SMARCA2: variants seen among roughly 807,000 people sequenced by gnomAD.
The protein encoded by SMARCA2 is SWI/SNF related BAF chromatin remodeling complex subunit ATPase 2.
A neutral mutation model predicts 199.8 loss-of-function variants in SMARCA2; 61 were observed. The ratio of observed to expected loss-of-function variants is 0.31; its 90% CI spans 0.25 to 0.38. The LOEUF is 0.38. Among genes scored for constraint, SMARCA2 ranks in the 10% least tolerant of loss-of-function variants. The pLI is 1.00. For synonymous variants in SMARCA2, 935 were observed against 732.0 expected (o/e 1.28, Z -4.48); for missense variants, 1,344 against 2,012.2 (o/e 0.67, Z 6.35).
rs753441708 is a variant in SMARCA2 at position 2,054,601 on chromosome 9, C to T, written c.1051C>T (p.Gln351Ter). Residue 351 changes from glutamine (Q) to a stop codon, truncating the protein, a stop_gained, in exon 6 of 34, where the codon CAG (glutamine) becomes TAG (stop). Transcript: ENST00000349721. LOFTEE classifies it high-confidence loss of function. ...EILQEREYRLQARIAHRIQEL... is the reference protein window; with the variant it reads ...EILQEREYRL ...CCATTTTATTGTTTCCTTTAGACTT[C>T]AGGCCCGCATAGCTCATAGGATACA... is the stretch of plus-strand genomic sequence containing the variant. 2 of 1,613,140 alleles carry T rather than the reference C, an allele frequency of 1.2e-6. No individual in the cohort carries two copies. The highest frequency in any genetic ancestry group is 1.7e-6 in the Non-Finnish European group (2 of 1,179,464).
At position 2,060,360 on chromosome 9, in the gene SMARCA2, A is replaced by G. The variant is rs111825525; in HGVS notation, c.1522-456A>G. ...GGTTTAGAAGAAGAGTAGCAATGAA[A>G]CAGGAGTCATCACAAGTGAATTTTT... On this transcript the variant is annotated intron_variant, in intron 8 of 33. Transcript: ENST00000349721. 5.9e-3 allele frequency among the ~76,000 whole-genome samples: 906 copies of G among 152,278 alleles called. 12 individuals are homozygous for G. The highest frequency in any genetic ancestry group is 0.021 in the African/African-American group (869 of 41,556).
intron 27 of SMARCA2, among the ~76,000 whole-genome samples, chr9:2,138,924 C>T (rs2130678138): frequency 6.6e-6 from 1 of 152,242 alleles, no homozygotes; most frequent in East Asian, 1.9e-4. Context: ...TCTCCCTGTT[C>T]TTAGCCGGAG....
At position 2,156,414 on chromosome 9, in the gene SMARCA2, CTTTTTTTTTTTTTTTTT is replaced by C. The variant is rs57161267; in HGVS notation, c.3982-5256_3982-5240del. Reference sequence around the variant, plus strand: ...ATACCATAAAGTTTACCATTTTAGACTTTTTTTTTTTTTTTTTTTTTTTTTTTTTTTTGAGGCAGAGT... The same window carrying C: ...ATACCATAAAGTTTACCATTTTAGACTTTTTTTTTTTTTTTGAGGCAGAGT... On this transcript the variant is annotated intron_variant, in intron 27 of 33. Transcript: ENST00000349721. Among the ~76,000 whole-genome samples, 258 of 69,192 alleles carry C rather than the reference CTTTTTTTTTTTTTTTTT, an allele frequency of 3.7e-3. 1 individual carries two copies. The highest frequency in any genetic ancestry group is 0.036 in the Admixed American group (194 of 5,340). The allele number at this position is 69,192 out of a possible 152,430, so 45.4% of individuals were successfully genotyped here.
chr9:2,072,814 T>C (rs1821149324), intron 10 of SMARCA2, among the ~76,000 whole-genome samples: 2 of 152,196 alleles, frequency 1.3e-5, no homozygotes, highest in Admixed American at 1.3e-4. Context: ...CTACAACTGG[T>C]CTAGTGAGGA....
intron 27 of SMARCA2, among the ~76,000 whole-genome samples, chr9:2,141,895 G>A (rs992978332): frequency 3.3e-5 from 5 of 152,108 alleles, no homozygotes; most frequent in African/African-American, 7.2e-5. Flanking sequence ...GTGCAGGAGC[G>A]CGTCAGATCA....
At chr9:2,113,818 G>T (rs1330357191) in intron 24 of SMARCA2, among the ~76,000 whole-genome samples, 2 of 152,180 alleles carry the variant, frequency 1.3e-5, no homozygotes, top group African/African-American at 4.8e-5. Context: ...GGTTTTGTCA[G>T]CATCTTCTTG....
chr9:2,168,845 T>G (rs1826077148), intron 28 of SMARCA2, among the ~76,000 whole-genome samples: 2 of 152,254 alleles, frequency 1.3e-5, no homozygotes, highest in Non-Finnish European at 2.9e-5. Flanking sequence ...CTGGGATCTT[T>G]GGTTGTTCAG....
chr9:2,129,995 AG>A (rs1397103631), intron 27 of SMARCA2, among the ~76,000 whole-genome samples: 3 of 152,126 alleles, frequency 2.0e-5, no homozygotes, highest in Admixed American at 2.0e-4. Context: ...CTAGGACTAC[AG>A]GTACATGCCA....
intron 3 of SMARCA2, among the ~76,000 whole-genome samples, chr9:2,036,367 C>T (rs924786986): frequency 2.6e-5 from 4 of 152,010 alleles, no homozygotes; most frequent in Non-Finnish European, 4.4e-5. Flanking sequence ...TGACTACTTT[C>T]GAATGAGCAA....
chr9:2,192,415 GC>G, intron 33 of SMARCA2: 1 of 355,896 alleles, frequency 2.8e-6, no homozygotes, highest in Admixed American at 4.8e-5. Flanking sequence ...AAAACCTGGG[GC>G]TGAAAAAGAG....
intron 27 of SMARCA2, among the ~76,000 whole-genome samples, chr9:2,129,035 C>A (rs1054535576): frequency 1.3e-5 from 2 of 152,182 alleles, no homozygotes; most frequent in South Asian, 4.1e-4. Context: ...GCTCGTGAAC[C>A]CTTTAGGCTT....
intron 2 of SMARCA2, among the ~76,000 whole-genome samples, chr9:2,030,028 A>T (rs762940077): frequency 6.6e-6 from 1 of 152,216 alleles, no homozygotes; most frequent in East Asian, 1.9e-4. Flanking sequence ...AGAAAAATCT[A>T]TGAGGACATT....
rs149013076 is a variant in SMARCA2 at position 2,169,719 on chromosome 9, C to T, written c.4200-700C>T. Among the ~76,000 whole-genome samples the T allele has an allele frequency of 3.9e-5, 6 of 152,288 alleles. No individual in the cohort carries two copies. Among genetic ancestry groups the T allele is most frequent in the Middle Eastern group, 3.4e-3 (1 of 294 alleles). On this transcript the variant is annotated intron_variant, in intron 28 of 33. Coordinates refer to ENST00000349721, the MANE Select transcript of SMARCA2 (RefSeq NM_003070.5). This position sits in a 1 kb window ranked among gnomAD's most constrained non-coding sequence, Gnocchi z 6.5. ...TCTTCCCAGGATCTGTGAAACCTGG[C>T]AGCTGCTTCCCTGCCACCACAAAAA...
intron 24 of SMARCA2, among the ~76,000 whole-genome samples, chr9:2,114,974 T>G (rs1273441107): frequency 6.6e-6 from 1 of 152,200 alleles, no homozygotes; most frequent in Non-Finnish European, 1.5e-5. Flanking sequence ...TTTATGATAC[T>G]TTGTTGATAC....
rs1818357054 is a variant in SMARCA2 at position 2,016,447 on chromosome 9, TC to T, written c.-37+1044del. 6.6e-6 allele frequency: 1 copy of T among 152,420 alleles called. No individual in the cohort carries two copies. The highest frequency in any genetic ancestry group is 2.4e-5 in the African/African-American group (1 of 41,418). The allele number at this position is 152,420 out of a possible 1,614,324, so 9.4% of individuals were successfully genotyped here. ...CGGGTCCGTGTTCTTTTGCTTCGCG[TC>T]TTCCCCTTGCTTGCGCCGCGGGAGC... On this transcript the variant is annotated intron_variant, in intron 1 of 33. Transcript: ENST00000349721. This position sits in a 1 kb window ranked among gnomAD's most constrained non-coding sequence, Gnocchi z 5.6.
intron 1 of SMARCA2, 61 bp from the exon 2 acceptor site, chr9:2,028,926 T>C: frequency 7.4e-7 from 1 of 1,349,548 alleles, no homozygotes; most frequent in Non-Finnish European, 1.0e-6. Context: ...AACAATTGTT[T>C]TATTCTGGTC....
At chr9:2,085,376 G>C (rs997200369) in intron 17 of SMARCA2, among the ~76,000 whole-genome samples, 1 of 152,160 alleles carries the variant, frequency 6.6e-6, no homozygotes, top group African/African-American at 2.4e-5. Flanking sequence ...TGTTACTGGA[G>C]AAATGGAGCT....
intron 14 of SMARCA2, among the ~76,000 whole-genome samples, chr9:2,078,176 C>T (rs1821408062): frequency 6.6e-6 from 1 of 152,076 alleles, no homozygotes; most frequent in Non-Finnish European, 1.5e-5. Context: ...TATGCTTTTT[C>T]TTAAGACACA....
At chr9:2,191,677 C>G (rs1827896316) in intron 33 of SMARCA2, 1 of 302,588 alleles carries the variant, frequency 3.3e-6, no homozygotes, top group Non-Finnish European at 6.2e-6. Context: ...AATCTTCCCA[C>G]ATGCTTTCTT....
Sources: gnomAD v4.1 joint callset for allele counts (sites outside exome capture counted in the v4.1 genomes callset) on GRCh38, gnomAD v4.1.1 for gene constraint, Gnocchi (gnomAD v3.1) non-coding constraint, MANE v1.5 for transcripts, NCBI Gene and HGNC (gene_info 2026-07-23, HGNC 2026-07-21) for gene names.